RIGI: variants seen among roughly 807,000 people sequenced by gnomAD.
RIGI encodes the protein antiviral innate immune response receptor RIG-I.
the RIGI span, among the ~76,000 whole-genome samples, chr9:32,508,239 A>ATTTTTTTTTTTTTTTTTTT: frequency 3.6e-3 from 252 of 70,326 alleles, 53 homozygotes; most frequent in African/African-American, 5.5e-3. Flanking sequence ...TATTTACTTA[A>ATTTTTTTTTTTTTTTTTTT]TTTTTTTTTT....
the RIGI span, chr9:32,456,593 AC>A: frequency 8.9e-5 from 14 of 156,626 alleles, no homozygotes; most frequent in African/African-American, 3.4e-4. Flanking sequence ...CTAGAATAGA[AC>A]TAGAAGAGAG....
chr9:32,477,012 G>C, the RIGI span: 1 of 1,614,010 alleles, frequency 6.2e-7, no homozygotes, highest in South Asian at 1.1e-5. Context: ...TTCACAAAGA[G>C]AATTGTTATT....
the RIGI span, among the ~76,000 whole-genome samples, chr9:32,491,125 G>A: frequency 2.6e-5 from 4 of 152,246 alleles, no homozygotes; most frequent in Non-Finnish European, 5.9e-5. Context: ...AGAACTAGGA[G>A]AGAATGGCAT....
chr9:32,524,444 CCTTT>C, the RIGI span, among the ~76,000 whole-genome samples: 1 of 152,116 alleles, frequency 6.6e-6, no homozygotes, highest in Non-Finnish European at 1.5e-5. Flanking sequence ...CATTCCACAA[CCTTT>C]CTTTTAGTTT....
At chr9:32,508,258 T>A in the RIGI span, among the ~76,000 whole-genome samples, 66 of 138,038 alleles carry the variant, frequency 4.8e-4, 1 homozygote, top group East Asian at 1.5e-3. Flanking sequence ...TTTTTTTTTT[T>A]ACTATATGAA....
the RIGI span, among the ~76,000 whole-genome samples, chr9:32,511,562 T>C: frequency 0.014 from 2,081 of 152,238 alleles, 35 homozygotes; most frequent in African/African-American, 0.047. Context: ...TACCAGAATC[T>C]CTGGGACACA....
chr9:32,458,595 C>T, the RIGI span, among the ~76,000 whole-genome samples: 1 of 152,242 alleles, frequency 6.6e-6, no homozygotes, highest in African/African-American at 2.4e-5. Context: ...AGTTTGTAAG[C>T]AGTTTTTCAT....
chr9:32,474,952 A>T, the RIGI span, among the ~76,000 whole-genome samples: 141 of 152,178 alleles, frequency 9.3e-4, 1 homozygote, highest in South Asian at 0.021. Flanking sequence ...ATGTATTTTT[A>T]AAAATATTTT....
At chr9:32,522,147 T>C in the RIGI span, among the ~76,000 whole-genome samples, 164 of 152,162 alleles carry the variant, frequency 1.1e-3, no homozygotes, top group African/African-American at 3.6e-3. Context: ...CAGGAGTTGA[T>C]TGCATGGACT....
chr9:32,490,828 G>A, the RIGI span, among the ~76,000 whole-genome samples: 1 of 152,180 alleles, frequency 6.6e-6, no homozygotes, highest in Non-Finnish European at 1.5e-5. Flanking sequence ...TGTTGCAAAC[G>A]ACACAGGCTG....
the RIGI span, among the ~76,000 whole-genome samples, chr9:32,511,720 A>G: frequency 6.6e-6 from 1 of 152,200 alleles, no homozygotes; most frequent in Admixed American, 6.5e-5. Flanking sequence ...AAGACAAGAA[A>G]TAACTAAGAT....
At chr9:32,477,066 G>A in the RIGI span, 1 of 1,614,048 alleles carries the variant, frequency 6.2e-7, no homozygotes, top group Non-Finnish European at 8.5e-7. Context: ...ATGAAGCAGA[G>A]GTCTTCAAGT....
chr9:32,466,516 T>G, the RIGI span: 2 of 1,321,006 alleles, frequency 1.5e-6, no homozygotes, highest in East Asian at 5.0e-5. Context: ...GGTAAACAAA[T>G]AGAGGTACTC....
At chr9:32,514,853 TA>T in the RIGI span, among the ~76,000 whole-genome samples, 2 of 152,200 alleles carry the variant, frequency 1.3e-5, no homozygotes, top group Non-Finnish European at 2.9e-5. Flanking sequence ...CTCCTTTTTT[TA>T]AGCTAATTTT....
the RIGI span, chr9:32,498,419 G>T: frequency 4.4e-6 from 2 of 450,124 alleles, no homozygotes; most frequent in Non-Finnish European, 9.0e-6. Context: ...CCCTCCAAGT[G>T]CCTGTTTCCT....
At chr9:32,474,648 G>A in the RIGI span, among the ~76,000 whole-genome samples, 1 of 152,206 alleles carries the variant, frequency 6.6e-6, no homozygotes, top group Non-Finnish European at 1.5e-5. Context: ...ACAGCCATAT[G>A]AGAGGAGTTT....
the RIGI span, among the ~76,000 whole-genome samples, chr9:32,502,182 G>A: frequency 1.4e-3 from 206 of 152,246 alleles, 1 homozygote; most frequent in African/African-American, 4.8e-3. Context: ...GTTGTAGCAC[G>A]TTATTATTCA....
chr9:32,493,843 A>G, the RIGI span: 1 of 1,611,410 alleles, frequency 6.2e-7, no homozygotes, highest in Admixed American at 1.7e-5. Context: ...TCTGGTTTTA[A>G]ATTCTGGTTG....
the RIGI span, among the ~76,000 whole-genome samples, chr9:32,473,351 G>T: frequency 1.9e-4 from 26 of 140,054 alleles, no homozygotes; most frequent in Non-Finnish European, 3.3e-4. Context: ...GCAGTGGCAC[G>T]ATCTTCGCTC....
Sources: gnomAD v4.1 joint callset for allele counts (sites outside exome capture counted in the v4.1 genomes callset) on GRCh38, gnomAD v4.1.1 for gene constraint, MANE v1.5 for transcripts, NCBI Gene and HGNC (gene_info 2026-07-23, HGNC 2026-07-21) for gene names.